The following BTBD3 variants were observed in gnomAD, a reference collection of about 807,000 sequenced individuals.
BTBD3 encodes the protein BTB/POZ domain-containing protein 3.
In BTBD3, 14 loss-of-function variants were observed where a neutral mutation model predicts 41.6. The ratio of observed to expected loss-of-function variants is 0.34; its 90% CI spans 0.22 to 0.53. BTBD3 has a LOEUF of 0.53. BTBD3 is among the 20% of genes least tolerant of loss of function. BTBD3 has a pLI of 0.95. For missense variants in BTBD3, 426 were observed against 654.7 expected (o/e 0.65, Z 3.81); for synonymous variants, 249 against 233.7 (o/e 1.07, Z -0.60).
upstream of BTBD3, among the ~76,000 whole-genome samples, chr20:11,915,344 GGTT>G (rs2056911565): frequency 6.6e-6 from 1 of 151,990 alleles, no homozygotes; most frequent in Non-Finnish European, 1.5e-5. Flanking sequence ...AGATGTGAGG[GGTT>G]GTTAAGTTTT....
At chr20:11,921,505 G>A (rs748437514) in intron 3 of BTBD3, 1 of 152,178 alleles carries the variant, frequency 6.6e-6, no homozygotes, top group African/African-American at 2.4e-5. Flanking sequence ...CAGTTCCAGG[G>A]TAAGAGCTCG....
At chr20:11,919,258 C>A in intron 2 of BTBD3, 82 bp downstream of exon 2, 1 of 1,417,500 alleles carries the variant, frequency 7.1e-7, no homozygotes. Flanking sequence ...TTGGTGTGGG[C>A]AGCTTGCCGA....
intron 1 of BTBD3, chr20:11,891,398 C>A (rs1022749602): frequency 6.6e-6 from 1 of 151,812 alleles, no homozygotes; most frequent in Non-Finnish European, 1.5e-5. Context: ...GGGGGCCGCG[C>A]CCCTCTCCCG....
chr20:11,892,916 G>C (rs1355979493), intron 1 of BTBD3, among the ~76,000 whole-genome samples: 1 of 152,116 alleles, frequency 6.6e-6, no homozygotes, highest in African/African-American at 2.4e-5. Context: ...TTTGTTCCTA[G>C]AAAGTACTCT....
chr20:11,901,869 GTAT>G (rs1016478090), intron 1 of BTBD3, among the ~76,000 whole-genome samples: 5 of 152,168 alleles, frequency 3.3e-5, no homozygotes, highest in African/African-American at 4.8e-5. Context: ...TGTTTCTATA[GTAT>G]TATATAGTTA....
At chr20:11,898,780 T>A (rs2056806068) in intron 1 of BTBD3, among the ~76,000 whole-genome samples, 1 of 152,186 alleles carries the variant, frequency 6.6e-6, no homozygotes, top group African/African-American at 2.4e-5. Flanking sequence ...AGAACATTTA[T>A]AGTTTATAAT....
chr20:11,917,908 C>T lies in BTBD3; in HGVS notation c.-368C>T. The stretch of plus-strand genomic sequence containing the variant: ...CGATCCATTCACCACACAACTTCAG[C>T]CGGCTGAACAGACTCACGCAGCTCC... On this transcript the variant is annotated 5_prime_UTR_variant, in exon 1 of 4. Coordinates refer to ENST00000378226, the MANE Select transcript of BTBD3 (RefSeq NM_014962.4). 9.9e-7 allele frequency: 1 copy of T among 1,011,172 alleles called. No individual in the cohort carries two copies. Among genetic ancestry groups the T allele is most frequent in the Non-Finnish European group, 1.2e-6 (1 of 845,188 alleles). The allele number at this position is 1,011,172 out of a possible 1,614,324, so 62.6% of individuals were successfully genotyped here.
rs1014754822 is a variant in BTBD3, at chr20:11,924,323, A to G, written c.*657A>G. 2 of 152,216 alleles carry G rather than the reference A, an allele frequency of 1.3e-5. No individual in the cohort carries two copies. Among genetic ancestry groups the G allele is most frequent in the Non-Finnish European group, 2.9e-5 (2 of 68,042 alleles). The allele number at this position is 152,216 out of a possible 1,614,324, so 9.4% of individuals were successfully genotyped here. A position where few individuals can be genotyped will look rare whatever the true frequency, so the allele number is the denominator to read the frequency against. ...TGTTTAGGCCATGACTTCTACAAGC[A>G]GATTTCTTTTCTTTTAGTTTAGAAG... is the stretch of plus-strand genomic sequence containing the variant. On this transcript the variant is annotated 3_prime_UTR_variant, in exon 4 of 4. Transcript: ENST00000378226.
intron 1 of BTBD3, among the ~76,000 whole-genome samples, chr20:11,897,506 AAAAG>A (rs1420356683): frequency 5.3e-5 from 8 of 150,986 alleles, no homozygotes; most frequent in East Asian, 3.9e-4. Context: ...AAAAAAAAAA[AAAAG>A]AACATGGAAT....
intron 1 of BTBD3, among the ~76,000 whole-genome samples, chr20:11,908,900 A>G (rs1364305491): frequency 6.6e-6 from 1 of 152,158 alleles, no homozygotes. Flanking sequence ...GTGCCTTTCT[A>G]TTGTGTACTT....
intron 1 of BTBD3, among the ~76,000 whole-genome samples, chr20:11,905,656 G>A (rs1190137391): frequency 1.3e-5 from 2 of 152,178 alleles, no homozygotes; most frequent in Non-Finnish European, 2.9e-5. Flanking sequence ...CTTTGGCACT[G>A]TTCACTTTTG....
At chr20:11,901,000 C>T (rs1237524395) in intron 1 of BTBD3, among the ~76,000 whole-genome samples, 5 of 152,084 alleles carry the variant, frequency 3.3e-5, no homozygotes, top group Non-Finnish European at 5.9e-5. Context: ...CTTGAGCCAC[C>T]GCACCCGGCC....
In BTBD3 at chr20:11,923,725, G is replaced by A. The variant is rs577174858; in HGVS notation, c.*59G>A. Reference sequence around the variant, plus strand: ...GTGCACATCTGGTTCCAACTTGCCTGATGCTTAGCTCATCTGCAAATATGT... The same window carrying A: ...GTGCACATCTGGTTCCAACTTGCCTAATGCTTAGCTCATCTGCAAATATGT... On this transcript the variant is annotated 3_prime_UTR_variant, in exon 4 of 4. Transcript: ENST00000378226. This position sits in a 1 kb window ranked among gnomAD's most constrained non-coding sequence, Gnocchi z 5.3. The A allele has an allele frequency of 1.1e-5, 16 of 1,465,396 alleles. No individual in the cohort carries two copies. In the South Asian group the frequency reaches 2.1e-4, roughly 19 times the overall value. The allele number at this position is 1,465,396 out of a possible 1,614,324, so 90.8% of individuals were successfully genotyped here.
intron 1 of BTBD3, among the ~76,000 whole-genome samples, chr20:11,912,442 TCTTG>T: frequency 6.6e-6 from 1 of 152,326 alleles, no homozygotes; most frequent in African/African-American, 2.4e-5. Flanking sequence ...ACAGCACAAA[TCTTG>T]CTTATTATTG....
intron 1 of BTBD3, among the ~76,000 whole-genome samples, chr20:11,899,365 T>C (rs959873862): frequency 6.6e-6 from 1 of 152,172 alleles, no homozygotes; most frequent in African/African-American, 2.4e-5. Context: ...TTTTATTTTA[T>C]TGTTTTTAAA....
intron 1 of BTBD3, among the ~76,000 whole-genome samples, chr20:11,893,061 A>ATT (rs372135323): frequency 4.6e-4 from 69 of 149,030 alleles, no homozygotes; most frequent in South Asian, 6.4e-4. Context: ...AAAAATGTTC[A>ATT]TTTTTTTTTT....
chr20:11,911,870 T>C (rs2056891498), intron 1 of BTBD3, among the ~76,000 whole-genome samples: 1 of 152,198 alleles, frequency 6.6e-6, no homozygotes, highest in South Asian at 2.1e-4. Context: ...ATGAGTAGTT[T>C]AGTATTCCAA....
At chr20:11,904,510 C>T (rs937081404) in intron 1 of BTBD3, among the ~76,000 whole-genome samples, 1 of 152,094 alleles carries the variant, frequency 6.6e-6, no homozygotes, top group Admixed American at 6.5e-5. Flanking sequence ...ATTACGCTTA[C>T]GATAAAATCC....
intron 1 of BTBD3, chr20:11,891,022 C>T (rs1206740694): frequency 1.0e-6 from 1 of 962,490 alleles, no homozygotes; most frequent in African/African-American, 1.8e-5. Flanking sequence ...ACCGCCCGGG[C>T]AGGGGCGCGC....
Sources: gnomAD v4.1 joint callset for allele counts (sites outside exome capture counted in the v4.1 genomes callset) on GRCh38, gnomAD v4.1.1 for gene constraint, Gnocchi (gnomAD v3.1) non-coding constraint, MANE v1.5 for transcripts, NCBI Gene and HGNC (gene_info 2026-07-23, HGNC 2026-07-21) for gene names.